Variants in IFNW1 observed in about 807,000 individuals in gnomAD.
IFNW1 encodes interferon omega-1.
For missense variants in IFNW1, 293 were observed against 227.7 expected, an observed-to-expected ratio of 1.29 and a Z score of -1.84; for synonymous variants, 105 against 88.0, an observed-to-expected ratio of 1.19 and a Z score of -1.08.
At position 21,141,090 on chromosome 9, in the gene IFNW1, C is replaced by T. The variant is rs201715468; in HGVS notation, c.481G>A (p.Asp161Asn). ...ATTCTGACAACTTCCCAGGCACAGT[C>T]GCTGTATTTCTTCTCTTTCAGGTAG... ...RVYLKEKKYS[D>N]CAWEVVRMEI... Residue 161 changes from aspartate to asparagine, a missense_variant, in exon 1 of 1, where the codon GAC becomes AAC. By Grantham distance (23) the Asp-to-Asn change is conservative (BLOSUM62 1). Coordinates refer to ENST00000380229, the MANE Select transcript of IFNW1 (RefSeq NM_002177.3). The T allele has an allele frequency of 5.0e-6, 8 of 1,614,086 alleles. No individual in the cohort carries two copies. Among genetic ancestry groups the T allele is most frequent in the South Asian group, 3.3e-5 (3 of 91,062 alleles).
Position 21,140,965 on chromosome 9 carries a change from T to A in IFNW1, c.*18A>T. The A allele has an allele frequency of 6.4e-7, 1 of 1,554,562 alleles. No individual in the cohort carries two copies. Among genetic ancestry groups the A allele is most frequent in the Non-Finnish European group, 8.8e-7 (1 of 1,136,664 alleles). On this transcript the variant is annotated 3_prime_UTR_variant, in exon 1 of 1. Transcript: ENST00000380229. ...CATGTGCAAGTGTTATATGGCAAAT[T>A]AATCAATGAGAATCATTTCAAGATG...
Position 21,141,012 on chromosome 9 carries a change from T to C in IFNW1, c.559A>G (p.Ser187Gly). 1 of 1,613,554 alleles carries C rather than the reference T, an allele frequency of 6.2e-7. No individual in the cohort carries two copies. Among genetic ancestry groups the C allele is most frequent in the Non-Finnish European group, 8.5e-7 (1 of 1,179,636 alleles). ...GATGAGCCCAGGTCTCTATCTTTAC[T>C]TCTCAGTCTTTCTTGCATGTTTGTT... ...LSTNMQERLR[S>G]KDRDLGSS The change falls in exon 1 of 1, where the codon AGT becomes GGT. Residue 187 changes from serine (S) to glycine (G), a missense_variant. By Grantham distance (56) the Ser-to-Gly change is moderately conservative. Coordinates refer to ENST00000380229, the MANE Select transcript of IFNW1 (RefSeq NM_002177.3).
In IFNW1 at chr9:21,141,700, T is replaced by G; in HGVS notation, c.-130A>C. 1.7e-6 allele frequency: 1 copy of G among 575,022 alleles called. No individual in the cohort carries two copies. The allele number at this position is 575,022 out of a possible 1,614,324, so 35.6% of individuals were successfully genotyped here. On this transcript the variant is annotated 5_prime_UTR_variant, in exon 1 of 1. An upstream start codon of the reference 5' UTR is lost. Transcript: ENST00000380229. ...ACACATGGTTTTCATTTTCTGAACATTTCTCTGTACTTTCAGTTTCTTTTA... is the reference window on the plus strand; with the variant it reads ...ACACATGGTTTTCATTTTCTGAACAGTTCTCTGTACTTTCAGTTTCTTTTA...
Position 21,140,800 on chromosome 9 carries a change from C to G in IFNW1, c.*183G>C, listed in dbSNP as rs1459852547. On this transcript the variant is annotated 3_prime_UTR_variant, in exon 1 of 1. Coordinates refer to ENST00000380229, the MANE Select transcript of IFNW1 (RefSeq NM_002177.3). ...TAAATAAATGAGTAAAAATAAATAACATCTTAGGGACTGATGCCCCTGAAC... is the reference window on the plus strand; with the variant it reads ...TAAATAAATGAGTAAAAATAAATAAGATCTTAGGGACTGATGCCCCTGAAC... 2.2e-6 allele frequency: 1 copy of G among 461,328 alleles called. No individual in the cohort carries two copies. Among genetic ancestry groups the G allele is most frequent in the African/African-American group, 2.0e-5 (1 of 50,420 alleles). The allele number at this position is 461,328 out of a possible 1,614,324, so 28.6% of individuals were successfully genotyped here. A position where few individuals can be genotyped will look rare whatever the true frequency, so the allele number is the denominator to read the frequency against.
Position 21,141,145 on chromosome 9 carries a change from G to A in IFNW1, c.426C>T (p.Thr142=). 6.2e-7 allele frequency: 1 copy of A among 1,614,118 alleles called. No individual in the cohort carries two copies. Among genetic ancestry groups the A allele is most frequent in the Non-Finnish European group, 8.5e-7 (1 of 1,180,032 alleles). Residue 142 remains threonine (T), a synonymous_variant, in exon 1 of 1, where the codon ACC becomes ACT. Coordinates refer to ENST00000380229, the MANE Select transcript of IFNW1 (RefSeq NM_002177.3). The part of the protein sequence containing the change: ...SAGAISSPAL[T]LRRYFQGIRV... ...GGATTCCCTGGAAGTACCTCCTCAA[G>A]GTCAGTGCAGGGCTGCTAATTGCCC...
Position 21,141,624 on chromosome 9 carries a change from G to C in IFNW1, c.-54C>G, listed in dbSNP as rs1819403170. ...TGAGCTGGGATATGGCTTAACCTTG[G>C]ACCCTAGGTTTTCTGAAGACATTGC... On this transcript the variant is annotated 5_prime_UTR_variant, in exon 1 of 1. Transcript: ENST00000380229. The C allele has an allele frequency of 2.4e-6, 3 of 1,260,410 alleles. No individual in the cohort carries two copies. The highest frequency in any genetic ancestry group is 3.9e-4 in the Middle Eastern group (2 of 5,126). 78.1% of individuals were successfully genotyped at this position (1,260,410 alleles called of 1,614,324 possible). A position where few individuals can be genotyped will look rare whatever the true frequency, so the allele number is the denominator to read the frequency against.
Position 21,141,393 on chromosome 9 carries a change from T to C in IFNW1, c.178A>G (p.Arg60Gly), listed in dbSNP as rs142090715. 1.2e-6 allele frequency: 2 copies of C among 1,613,892 alleles called. No individual in the cohort carries two copies. The highest frequency in any genetic ancestry group is 1.7e-6 in the Non-Finnish European group (2 of 1,179,936). The change falls in exon 1 of 1, where the codon AGG becomes GGG. Residue 60 changes from arginine (R) to glycine (G), a missense_variant. Arg to Gly is a moderately radical substitution (Grantham distance 125). Transcript: ENST00000380229. The part of the protein sequence containing the change: ...FLCLKDRRDF[R>G]FPQEMVKGSQ... ...CCTTTTACCATCTCCTGGGGGAACC[T>C]GAAGTCTCTTCTGTCCTTGAGACAC...
At chr9:21,141,027 G>A in the IFNW1 span, 1 of 1,613,874 alleles carries the variant, frequency 6.2e-7, no homozygotes, top group East Asian at 2.2e-5. Context: ...AGTCTTTCTT[G>A]CATGTTTGTT....
rs1563789275 is a variant in IFNW1 at position 21,141,130 on chromosome 9, G to A, written c.441C>T (p.Phe147=). The A allele has an allele frequency of 6.2e-7, 1 of 1,614,174 alleles. No individual in the cohort carries two copies. Among genetic ancestry groups the A allele is most frequent in the Admixed American group, 1.7e-5 (1 of 60,022 alleles). Residue 147 remains phenylalanine (F), a synonymous_variant, in exon 1 of 1, where the codon TTC becomes TTT. Coordinates refer to ENST00000380229, the MANE Select transcript of IFNW1 (RefSeq NM_002177.3). ...CTTTCAGGTAGACACGGATTCCCTG[G>A]AAGTACCTCCTCAAGGTCAGTGCAG... is the stretch of plus-strand genomic sequence containing the variant. ...SSPALTLRRY[F]QGIRVYLKEK...
chr9:21,140,898 G>T lies in IFNW1; in HGVS notation c.*85C>A. On this transcript the variant is annotated 3_prime_UTR_variant, in exon 1 of 1. Coordinates refer to ENST00000380229, the MANE Select transcript of IFNW1 (RefSeq NM_002177.3). ...GCAGAACTAATTCAGTCAATTCTGT[G>T]ATTAAAGCCGAAATAAGAGTCTTTT... is the stretch of plus-strand genomic sequence containing the variant. The T allele has an allele frequency of 2.1e-6, 2 of 944,902 alleles. No individual in the cohort carries two copies. Among genetic ancestry groups the T allele is most frequent in the Non-Finnish European group, 3.2e-6 (2 of 619,724 alleles). 58.5% of individuals were successfully genotyped at this position (944,902 alleles called of 1,614,324 possible). A position where few individuals can be genotyped will look rare whatever the true frequency, so the allele number is the denominator to read the frequency against.
the IFNW1 span, chr9:21,141,054 T>A: frequency 6.2e-7 from 1 of 1,614,222 alleles, no homozygotes; most frequent in East Asian, 2.2e-5. Context: ...AACAAGGATT[T>A]CATGATTTCC....
rs866727683 is a variant in IFNW1 at position 21,141,526 on chromosome 9, G to A, written c.45C>T (p.Ser15=). 6.2e-7 allele frequency: 1 copy of A among 1,610,100 alleles called. No individual in the cohort carries two copies. ...AGCCCAGAGATCCAACAGGGCTATA[G>A]CTGGTCATCACTAGGGCTGCCAGTA... ...FPLLAALVMT[S]YSPVGSLGCD... The change falls in exon 1 of 1, where the codon AGC becomes AGT. Residue 15 remains serine, a synonymous_variant. Coordinates refer to ENST00000380229, the MANE Select transcript of IFNW1 (RefSeq NM_002177.3).
chr9:21,141,436 C>G lies in IFNW1; in HGVS notation c.135G>C (p.Arg45Ser), dbSNP rs1444112281. The part of the protein sequence containing the change: ...RNTLVLLHQM[R>S]RISPFLCLKD... ...TGAGACACAAGAAAGGGGAGATTCT[C>G]CTCATTTGGTGCAGAAGCACCAAGG... Residue 45 changes from arginine (R) to serine (S), a missense_variant, in exon 1 of 1, where the codon AGG becomes AGC. Physicochemically the swap from Arg to Ser is moderately radical, Grantham distance 110. Coordinates refer to ENST00000380229, the MANE Select transcript of IFNW1 (RefSeq NM_002177.3). 1 of 1,613,988 alleles carries G rather than the reference C, an allele frequency of 6.2e-7. No individual in the cohort carries two copies. Among genetic ancestry groups the G allele is most frequent in the Admixed American group, 1.7e-5 (1 of 59,992 alleles).
chr9:21,141,121 G>C lies in IFNW1; in HGVS notation c.450C>G (p.Ile150Met). The change falls in exon 1 of 1, where the codon ATC (isoleucine) becomes ATG (methionine). Residue 150 changes from isoleucine to methionine, a missense_variant. Ile to Met is a conservative substitution (Grantham distance 10, BLOSUM62 1). Coordinates refer to ENST00000380229, the MANE Select transcript of IFNW1 (RefSeq NM_002177.3). Reference protein sequence around the residue: ...ALTLRRYFQGIRVYLKEKKYS... With the variant: ...ALTLRRYFQGMRVYLKEKKYS... Reference sequence around the variant, plus strand: ...ATTTCTTCTCTTTCAGGTAGACACGGATTCCCTGGAAGTACCTCCTCAAGG... The same window carrying C: ...ATTTCTTCTCTTTCAGGTAGACACGCATTCCCTGGAAGTACCTCCTCAAGG... The C allele has an allele frequency of 6.2e-7, 1 of 1,614,138 alleles. No individual in the cohort carries two copies. The highest frequency in any genetic ancestry group is 2.2e-5 in the East Asian group (1 of 44,888).
chr9:21,141,449 A>G lies in IFNW1; in HGVS notation c.122T>C (p.Leu41Pro). 6.2e-7 allele frequency: 1 copy of G among 1,613,150 alleles called. No homozygotes were observed. Residue 41 changes from leucine to proline, a missense_variant, in exon 1 of 1, where the codon CTG becomes CCG. Coordinates refer to ENST00000380229, the MANE Select transcript of IFNW1 (RefSeq NM_002177.3). ...AGGGGAGATTCTCCTCATTTGGTGC[A>G]GAAGCACCAAGGTGTTCCTGCTAAG... ...GLLSRNTLVL[L>P]HQMRRISPFL...
chr9:21,140,913 A>C lies in IFNW1; in HGVS notation c.*70T>G. 9.3e-7 allele frequency: 1 copy of C among 1,072,828 alleles called. No homozygotes were observed. The highest frequency in any genetic ancestry group is 2.2e-5 in the Admixed American group (1 of 45,074). The allele number at this position is 1,072,828 out of a possible 1,614,324, so 66.5% of individuals were successfully genotyped here. A position where few individuals can be genotyped will look rare whatever the true frequency, so the allele number is the denominator to read the frequency against. On this transcript the variant is annotated 3_prime_UTR_variant, in exon 1 of 1. Coordinates refer to ENST00000380229, the MANE Select transcript of IFNW1 (RefSeq NM_002177.3). The stretch of plus-strand genomic sequence containing the variant: ...TCAATTCTGTGATTAAAGCCGAAAT[A>C]AGAGTCTTTTGAATTGACCAGAGTC...
Position 21,141,491 on chromosome 9 carries a change from G to A in IFNW1, c.80C>T (p.Pro27Leu), listed in dbSNP as rs750330026. 20 of 1,613,838 alleles carry A rather than the reference G, an allele frequency of 1.2e-5. No homozygotes were observed. The highest frequency in any genetic ancestry group is 2.7e-5 in the African/African-American group (2 of 74,892). ...CCTGCTAAGTAGGCCATGGTTCTGA[G>A]GCAGATCACAGCCCAGAGATCCAAC... Reference protein sequence around the residue: ...SPVGSLGCDLPQNHGLLSRNT... With the variant: ...SPVGSLGCDLLQNHGLLSRNT... Residue 27 changes from proline to leucine, a missense_variant, in exon 1 of 1, where the codon CCT becomes CTT. Coordinates refer to ENST00000380229, the MANE Select transcript of IFNW1 (RefSeq NM_002177.3).
rs1819387712 is a variant in IFNW1, at chr9:21,140,916, A to G, written c.*67T>C. Reference sequence around the variant, plus strand: ...ATTCTGTGATTAAAGCCGAAATAAGAGTCTTTTGAATTGACCAGAGTCACA... The same window carrying G: ...ATTCTGTGATTAAAGCCGAAATAAGGGTCTTTTGAATTGACCAGAGTCACA... On this transcript the variant is annotated 3_prime_UTR_variant, in exon 1 of 1. Coordinates refer to ENST00000380229, the MANE Select transcript of IFNW1 (RefSeq NM_002177.3). 5.5e-6 allele frequency: 6 copies of G among 1,082,754 alleles called. No homozygotes were observed. The highest frequency in any genetic ancestry group is 1.5e-5 in the South Asian group (1 of 65,626). 67.1% of individuals were successfully genotyped at this position (1,082,754 alleles called of 1,614,324 possible).
At position 21,140,851 on chromosome 9, in the gene IFNW1, T is replaced by A; in HGVS notation, c.*132A>T. ...CTAAGTCTTTTTAACATATACTGGC[T>A]TAATATACCGACAAAGTATTTGCAG... On this transcript the variant is annotated 3_prime_UTR_variant, in exon 1 of 1. Transcript: ENST00000380229. The A allele has an allele frequency of 1.5e-6, 1 of 650,306 alleles. No homozygotes were observed. The highest frequency in any genetic ancestry group is 2.6e-6 in the Non-Finnish European group (1 of 378,648). The allele number at this position is 650,306 out of a possible 1,614,324, so 40.3% of individuals were successfully genotyped here.
Sources: gnomAD v4.1 joint callset for allele counts on GRCh38, gnomAD v4.1.1 for gene constraint, MANE v1.5 for transcripts, NCBI Gene and HGNC (gene_info 2026-07-23, HGNC 2026-07-21) for gene names.